Variants in MCM3AP observed in about 807,000 individuals in gnomAD.
MCM3AP encodes minichromosome maintenance complex component 3 associated protein.
Under a neutral mutation model 184.1 loss-of-function variants are expected in MCM3AP, and 126 were observed. The observed-to-expected ratio is 0.68, with a 90% CI of 0.59 to 0.79. MCM3AP has a LOEUF of 0.79. Among genes scored for constraint, MCM3AP ranks in the 30% least tolerant of loss-of-function variants. The pLI is 0.00. For synonymous variants in MCM3AP, 1,002 were observed against 979.3 expected, an observed-to-expected ratio of 1.02 and a Z score of -0.43; for missense variants, 2,496 against 2,479.2, an observed-to-expected ratio of 1.01 and a Z score of -0.14.
Position 46,246,829 on chromosome 21 carries a change from G to T in MCM3AP, c.4348C>A (p.Leu1450Ile), listed in dbSNP as rs779041414. The stretch of plus-strand genomic sequence containing the variant: ...AGCATGAGCCCACTGGCTCCCAGGA[G>T]GTCCTTCTGTGTCTCCACAGCATCA... ...AIDAVETQKD[L>I]LGASGLMLLL... Residue 1450 changes from leucine (L) to isoleucine (I), a missense_variant, in exon 21 of 28, where the codon CTC (leucine) becomes ATC (isoleucine). This residue lies in a region of MCM3AP where 1,323 missense variants were observed against 1,273.4 expected (regional missense o/e 1.04). Transcript: ENST00000291688. 3.7e-6 allele frequency: 6 copies of T among 1,614,178 alleles called. No individual in the cohort carries two copies. In the Admixed American group the frequency reaches 1.0e-4, roughly 27 times the overall value.
rs1034248581 is a variant in MCM3AP at position 46,271,899 on chromosome 21, A to C, written c.2465+662T>G. On this transcript the variant is annotated intron_variant, in intron 8 of 27. Transcript: ENST00000291688. ...AATAAAAAATTAAAATCAACCACAC[A>C]TCTAGATATTCTGTCACACAGTTCT... Among the ~76,000 whole-genome samples, 85 of 151,876 alleles carry C rather than the reference A, an allele frequency of 5.6e-4. 3 individuals carry two copies. The highest frequency in any genetic ancestry group is 3.5e-4 in the Non-Finnish European group (24 of 67,948).
intron 19 of MCM3AP, 199 bp from the exon 20 acceptor site, chr21:46,251,881 CTTT>C (rs754670172): frequency 9.5e-3 from 1,215 of 127,478 alleles, no homozygotes; most frequent in South Asian, 0.029. Context: ...TGTACTCGTT[CTTT>C]TTTTTTTTTT....
intron 13 of MCM3AP, among the ~76,000 whole-genome samples, chr21:46,262,067 A>T (rs756684405): frequency 2.7e-4 from 41 of 152,196 alleles, no homozygotes; most frequent in Non-Finnish European, 4.6e-4. Flanking sequence ...TTTGGCTGCC[A>T]GCAGAAAAAT....
intron 3 of MCM3AP, 49 bp from the exon 4 acceptor site, chr21:46,280,186 G>A (rs371566155): frequency 6.3e-7 from 1 of 1,587,102 alleles, no homozygotes. Flanking sequence ...CAGATCACCT[G>A]GAACTGGATT....
chr21:46,284,269 G>A lies in MCM3AP; in HGVS notation c.1018C>T (p.Arg340Trp), dbSNP rs1156914060. 6.2e-7 allele frequency: 1 copy of A among 1,613,998 alleles called. No homozygotes were observed. The highest frequency in any genetic ancestry group is 8.5e-7 in the Non-Finnish European group (1 of 1,180,046). The change falls in exon 1 of 28, where the codon CGG becomes TGG. Residue 340 changes from arginine to tryptophan, a missense_variant. Arg to Trp is a moderately radical substitution (Grantham distance 101). Transcript: ENST00000291688. Reference sequence around the variant, plus strand: ...CTTTTGAAAACATCCTGTATCGTCCGACCAAATAAAGTACCTCCCCGGGGT... The same window carrying A: ...CTTTTGAAAACATCCTGTATCGTCCAACCAAATAAAGTACCTCCCCGGGGT... ...NRPRGGTLFGRTIQDVFKSNK... is the reference protein window; with the variant it reads ...NRPRGGTLFGWTIQDVFKSNK...
chr21:46,265,480 G>C lies in MCM3AP; in HGVS notation c.3075C>G (p.Pro1025=). ...GTAGAGACTGTGGGAGACTGGACAG[G>C]GGTGCATCCGGCTCTACACCACACT... ...GEECGVEPDA[P]LSSLPQSLPA... Residue 1025 remains proline, a synonymous_variant, in exon 12 of 28, where the codon CCC becomes CCG. Transcript: ENST00000291688. The C allele has an allele frequency of 6.2e-7, 1 of 1,612,652 alleles. No individual in the cohort carries two copies. Among genetic ancestry groups the C allele is most frequent in the Non-Finnish European group, 8.5e-7 (1 of 1,179,288 alleles).
intron 20 of MCM3AP, among the ~76,000 whole-genome samples, chr21:46,249,337 A>G (rs1375814552): frequency 6.6e-6 from 1 of 152,084 alleles, no homozygotes; most frequent in African/African-American, 2.4e-5. Context: ...ACAGGCACAC[A>G]CCACCATGCC....
intron 25 of MCM3AP, chr21:46,241,350 C>A: frequency 4.5e-6 from 1 of 224,584 alleles, no homozygotes; most frequent in Non-Finnish European, 8.8e-6. Flanking sequence ...GCTTCCCACC[C>A]TAGGGTTCCA....
intron 16 of MCM3AP, among the ~76,000 whole-genome samples, chr21:46,257,511 C>T (rs888289175): frequency 6.6e-6 from 1 of 150,942 alleles, no homozygotes; most frequent in African/African-American, 2.4e-5. Context: ...ATACATATAT[C>T]CCTTGACCCA....
chr21:46,244,733 G>T, intron 23 of MCM3AP, 74 bp downstream of exon 23: 1 of 1,490,810 alleles, frequency 6.7e-7, no homozygotes, highest in South Asian at 1.3e-5. Context: ...CCTGCCAGAC[G>T]GTTACTACAG....
intron 19 of MCM3AP, chr21:46,253,879 A>G (rs2080909450): frequency 6.0e-6 from 1 of 165,424 alleles, no homozygotes; most frequent in East Asian, 1.7e-4. Context: ...TGCTGTTCTC[A>G]TTACAGTGAG....
chr21:46,259,140 G>C (rs755589398), intron 15 of MCM3AP, 49 bp from the exon 16 acceptor site: 2 of 1,558,344 alleles, frequency 1.3e-6, no homozygotes, highest in East Asian at 2.3e-5. Flanking sequence ...GGGGCCCACA[G>C]ACACTGAGGG....
intron 6 of MCM3AP, among the ~76,000 whole-genome samples, chr21:46,274,587 T>C (rs758079848): frequency 1.2e-4 from 19 of 152,162 alleles, no homozygotes; most frequent in Non-Finnish European, 2.2e-4. Flanking sequence ...ATCTAGAGCA[T>C]AATCTCGAAT....
chr21:46,266,275 G>C, intron 10 of MCM3AP, 109 bp from the exon 11 acceptor site: 1 of 1,238,028 alleles, frequency 8.1e-7, no homozygotes, highest in Non-Finnish European at 1.1e-6. Flanking sequence ...CCACAGCCAT[G>C]TGTAAATAAC....
intron 4 of MCM3AP, among the ~76,000 whole-genome samples, chr21:46,278,352 C>G (rs1338122088): frequency 6.6e-6 from 1 of 152,204 alleles, no homozygotes; most frequent in Non-Finnish European, 1.5e-5. Context: ...TCTCTCTCAG[C>G]TTCCCCATTT....
chr21:46,277,664 G>A lies in MCM3AP; in HGVS notation c.1721C>T (p.Ser574Phe). The A allele has an allele frequency of 6.2e-7, 1 of 1,608,632 alleles. No individual in the cohort carries two copies. The highest frequency in any genetic ancestry group is 1.1e-5 in the South Asian group (1 of 90,296). Residue 574 changes from serine (S) to phenylalanine (F), a missense_variant, in exon 5 of 28, where the codon TCT becomes TTT. Physicochemically the swap from Ser to Phe is radical, Grantham distance 155. This residue lies in a region of MCM3AP where 800 missense variants were observed against 717.1 expected (regional missense o/e 1.12). Transcript: ENST00000291688. ...LLKAHQFEGD[S>F]FDSASEGSEG... ...GGAGCCCTCGGAGGCTGAGTCAAAA[G>A]AGTCTCCCTCGAATTGGTGGGCCTT... is the stretch of plus-strand genomic sequence containing the variant.
At chr21:46,266,685 G>A in intron 10 of MCM3AP, 1 of 368,708 alleles carries the variant, frequency 2.7e-6, no homozygotes, top group Non-Finnish European at 5.0e-6. Flanking sequence ...GCTGGCAAAG[G>A]CAGTCAAGGG....
intron 15 of MCM3AP, among the ~76,000 whole-genome samples, chr21:46,260,018 G>A (rs569494189): frequency 1.3e-5 from 2 of 151,910 alleles, no homozygotes; most frequent in Admixed American, 1.3e-4. Flanking sequence ...AGAGGTTGCA[G>A]TGAACCCAGA....
At chr21:46,279,677 C>T (rs2081302961) in intron 4 of MCM3AP, among the ~76,000 whole-genome samples, 1 of 152,046 alleles carries the variant, frequency 6.6e-6, no homozygotes, top group Non-Finnish European at 1.5e-5. Context: ...GCTTTCTCAG[C>T]AACCTTGGCC....
Sources: gnomAD v4.1 joint callset for allele counts (sites outside exome capture counted in the v4.1 genomes callset) on GRCh38, gnomAD v4.1.1 for gene constraint, gnomAD v4.1.1 regional missense constraint, MANE v1.5 for transcripts, NCBI Gene and HGNC (gene_info 2026-07-23, HGNC 2026-07-21) for gene names.